Variants in MICU2 observed in about 807,000 individuals in gnomAD.
MICU2 encodes the protein mitochondrial calcium uptake 2.
MICU2 carries 64 observed loss-of-function variants against 60.4 expected under a neutral mutation model. The observed-to-expected ratio is 1.06, with a 90% CI of 0.87 to 1.31. MICU2 has a LOEUF of 1.31. Ranked by LOEUF, MICU2 falls within the 50% of genes most tolerant of loss-of-function variation. The probability of loss-of-function intolerance (pLI) is 0.00; values close to 1 mark genes in which losing one functional copy is unlikely to be tolerated. For missense variants in MICU2, 569 were observed against 531.0 expected (o/e 1.07, Z -0.70); for synonymous variants, 201 against 175.0 (o/e 1.15, Z -1.17).
chr13:21,510,973 G>A (rs1377859096), intron 7 of MICU2, among the ~76,000 whole-genome samples: 1 of 152,146 alleles, frequency 6.6e-6, no homozygotes, highest in Non-Finnish European at 1.5e-5. Context: ...GGAGCTTGGT[G>A]GGACTTGAGC....
At chr13:21,603,450 C>T (rs1223593955) in intron 1 of MICU2, 2 of 156,814 alleles carry the variant, frequency 1.3e-5, no homozygotes, top group African/African-American at 4.8e-5. Flanking sequence ...AAGCAATCGA[C>T]AGAACTTCAT....
intron 4 of MICU2, among the ~76,000 whole-genome samples, chr13:21,526,396 C>T (rs1886857239): frequency 6.6e-6 from 1 of 151,916 alleles, no homozygotes; most frequent in Non-Finnish European, 1.5e-5. Flanking sequence ...GACTGTATGT[C>T]CTTGGTATCA....
intron 7 of MICU2, among the ~76,000 whole-genome samples, chr13:21,514,126 C>T (rs573670693): frequency 6.6e-6 from 1 of 152,262 alleles, no homozygotes; most frequent in Non-Finnish European, 1.5e-5. Context: ...TTACACAAAC[C>T]TAGATGGTAT....
intron 9 of MICU2, among the ~76,000 whole-genome samples, chr13:21,500,114 T>G (rs961356496): frequency 2.0e-5 from 3 of 151,236 alleles, no homozygotes; most frequent in African/African-American, 4.8e-5. Flanking sequence ...GATGTGAATC[T>G]GCTGTGTGGG....
chr13:21,531,324 T>G, intron 4 of MICU2: 1 of 1,563,560 alleles, frequency 6.4e-7, no homozygotes, highest in Non-Finnish European at 8.7e-7. Flanking sequence ...TGTACAGCAA[T>G]AACACCAACC....
intron 1 of MICU2, among the ~76,000 whole-genome samples, chr13:21,574,891 C>A (rs920822616): frequency 6.6e-6 from 1 of 152,154 alleles, no homozygotes; most frequent in Non-Finnish European, 1.5e-5. Flanking sequence ...AATTAGGGAG[C>A]TTTTATTGCA....
At chr13:21,537,712 C>T (rs1887168128) in intron 4 of MICU2, among the ~76,000 whole-genome samples, 2 of 152,052 alleles carry the variant, frequency 1.3e-5, no homozygotes, top group African/African-American at 2.4e-5. Flanking sequence ...CTCAGGTGAT[C>T]GGGCTGCCTC....
At chr13:21,603,847 G>C (rs1888885779) in intron 1 of MICU2, 92 bp downstream of exon 1, 1 of 1,402,528 alleles carries the variant, frequency 7.1e-7, no homozygotes, top group Admixed American at 2.2e-5. Context: ...ACGGCTCCGG[G>C]AGAGCCGCCC....
Position 21,495,495 on chromosome 13 carries a change from T to A in MICU2, c.1043-177A>T, listed in dbSNP as rs190403209. 1.7e-4 allele frequency: 97 copies of A among 563,140 alleles called. No homozygotes were observed. The East Asian group carries it at 2.0e-3, about 11-fold the overall frequency. The allele number at this position is 563,140 out of a possible 1,614,324, so 34.9% of individuals were successfully genotyped here. On this transcript the variant is annotated intron_variant, in intron 10 of 11. Coordinates refer to ENST00000382374, the MANE Select transcript of MICU2 (RefSeq NM_152726.3). ...TCAAACCATAAGCCGACGAATGTCA[T>A]GAGAGTCACTGCAAGACAAATGAGC...
intron 4 of MICU2, among the ~76,000 whole-genome samples, chr13:21,536,004 C>CA (rs1414852626): frequency 3.9e-5 from 6 of 152,074 alleles, no homozygotes; most frequent in African/African-American, 1.4e-4. Context: ...GTTCACTAAC[C>CA]ATATACTACA....
chr13:21,585,961 T>C (rs1593357192), intron 1 of MICU2, among the ~76,000 whole-genome samples: 1 of 152,234 alleles, frequency 6.6e-6, no homozygotes, highest in African/African-American at 2.4e-5. Flanking sequence ...AATATATTAC[T>C]TGTATTAAAC....
intron 2 of MICU2, among the ~76,000 whole-genome samples, 166 bp from the exon 3 acceptor site, chr13:21,539,854 G>A (rs1359388528): frequency 6.6e-6 from 1 of 152,148 alleles, no homozygotes; most frequent in African/African-American, 2.4e-5. Flanking sequence ...TCATGAGTCA[G>A]AGAATTCTAA....
intron 9 of MICU2, among the ~76,000 whole-genome samples, chr13:21,497,923 AT>A (rs1886041865): frequency 6.6e-6 from 1 of 151,966 alleles, no homozygotes; most frequent in Non-Finnish European, 1.5e-5. Flanking sequence ...TAATGTTTTT[AT>A]TTCTGTTTTT....
intron 8 of MICU2, among the ~76,000 whole-genome samples, chr13:21,506,893 A>G (rs557549171): frequency 9.6e-4 from 147 of 152,344 alleles, no homozygotes; most frequent in Non-Finnish European, 1.5e-3. Context: ...CAGAAACACA[A>G]AAGTATAAGC....
At chr13:21,593,030 G>C (rs1888616336) in intron 1 of MICU2, among the ~76,000 whole-genome samples, 2 of 152,180 alleles carry the variant, frequency 1.3e-5, no homozygotes, top group Non-Finnish European at 2.9e-5. Flanking sequence ...AATCAGGCAA[G>C]AGAAAGAAAT....
rs1280515492 is a variant in MICU2 at position 21,587,858 on chromosome 13, A to G, written c.210+16081T>C. ...ATAAGATACTAAAAACTAAATGTGC[A>G]CTTTAAGTAGATGACATTTCAGTGA... On this transcript the variant is annotated intron_variant, in intron 1 of 11. Coordinates refer to ENST00000382374, the MANE Select transcript of MICU2 (RefSeq NM_152726.3). Among the ~76,000 whole-genome samples, 3 of 152,354 alleles carry G rather than the reference A, an allele frequency of 2.0e-5. No homozygotes were observed. In the Middle Eastern group the frequency reaches 0.01, roughly 518 times the overall value.
chr13:21,537,469 CTT>C (rs60479087), intron 4 of MICU2, among the ~76,000 whole-genome samples: 232 of 124,026 alleles, frequency 1.9e-3, no homozygotes, highest in Non-Finnish European at 2.0e-3. Context: ...TTCTTTCTTT[CTT>C]TTTTTTTTTT....
At chr13:21,598,063 A>G (rs73158463) in intron 1 of MICU2, among the ~76,000 whole-genome samples, 5,376 of 152,226 alleles carry the variant, frequency 0.035, 132 homozygotes, top group Non-Finnish European at 0.055. Flanking sequence ...GAAAATATCA[A>G]TGAATTTGTA....
intron 2 of MICU2, among the ~76,000 whole-genome samples, chr13:21,552,381 C>A (rs1395439741): frequency 1.3e-5 from 2 of 152,100 alleles, no homozygotes; most frequent in Non-Finnish European, 2.9e-5. Context: ...CTGTAGGTTG[C>A]CTGTTCACTC....
Sources: allele counts gnomAD v4.1 joint callset (sites outside exome capture counted in the v4.1 genomes callset), GRCh38; gene constraint gnomAD v4.1.1; transcripts MANE v1.5; gene names NCBI Gene and HGNC (gene_info 2026-07-23, HGNC 2026-07-21).